Variants in PCDHGA2 observed in about 807,000 individuals in gnomAD.
PCDHGA2 encodes protocadherin gamma-A2.
PCDHGA2 carries 40 observed loss-of-function variants against 59.2 expected under a neutral mutation model. The observed-to-expected ratio is 0.68, with a 90% CI of 0.52 to 0.88. The LOEUF (loss-of-function observed/expected upper bound fraction) is 0.88. Ranked by LOEUF, PCDHGA2 falls within the 40% of genes least tolerant of loss-of-function variation. The pLI, the probability that PCDHGA2 is intolerant of heterozygous loss-of-function variation, is 0.00. For missense variants in PCDHGA2, 1,226 were observed against 1,204.0 expected (o/e 1.02, Z -0.27); for synonymous variants, 560 against 526.0 (o/e 1.06, Z -0.89).
rs946798767 is a variant in PCDHGA2, at chr5:141,438,591, CATATATATAT to C, written c.2425-56180_2425-56171del. On this transcript the variant is annotated intron_variant, in intron 1 of 3. Transcript: ENST00000394576. The stretch of plus-strand genomic sequence containing the variant: ...TCTGATATACATACATACATACATA[CATATATATAT>C]ATATATATATATATATATATATATA... Among the ~76,000 whole-genome samples, 12 of 75,572 alleles carry C rather than the reference CATATATATAT, an allele frequency of 1.6e-4. No individual in the cohort carries two copies. The East Asian group carries it at 1.7e-3, about 11-fold the overall frequency. The allele number at this position is 75,572 out of a possible 152,430, so 49.6% of individuals were successfully genotyped here.
chr5:141,485,172 CA>C lies in PCDHGA2; in HGVS notation c.2425-9633del. 6.2e-7 allele frequency: 1 copy of C among 1,610,166 alleles called. No individual in the cohort carries two copies. Among genetic ancestry groups the C allele is most frequent in the Non-Finnish European group, 8.5e-7 (1 of 1,176,940 alleles). On this transcript the variant is annotated intron_variant, in intron 1 of 3. Coordinates refer to ENST00000394576, the MANE Select transcript of PCDHGA2 (RefSeq NM_018915.4). The surrounding 1 kb of genome is among the most constrained non-coding windows in gnomAD (Gnocchi z 5.7). ...CAAGTAGAGAATTAGCGGGCGGCAG[CA>C]ATGCTCCGCAAGGTGAGAAGCTGGA...
chr5:141,352,184 G>A, intron 1 of PCDHGA2: 1 of 1,613,852 alleles, frequency 6.2e-7, no homozygotes, highest in Non-Finnish European at 8.5e-7. Flanking sequence ...GCTGGTCGCT[G>A]TGCGTGATGG....
At chr5:141,350,821 A>G in intron 1 of PCDHGA2, 2 of 1,614,054 alleles carry the variant, frequency 1.2e-6, no homozygotes, top group Non-Finnish European at 1.7e-6. Flanking sequence ...ATGGAAGTAA[A>G]TATCCGGTAT....
At chr5:141,399,751 G>T (rs564705346) in intron 1 of PCDHGA2, 2 of 1,613,322 alleles carry the variant, frequency 1.2e-6, no homozygotes, top group Non-Finnish European at 1.7e-6. Context: ...CAGCGCAAAC[G>T]TGAGCCTGCG....
chr5:141,421,050 T>TACCACACAA, intron 1 of PCDHGA2: 1 of 561,278 alleles, frequency 1.8e-6, no homozygotes, highest in Non-Finnish European at 3.1e-6. Flanking sequence ...CCCCCGCCTC[T>TACCACACAA]ACCACACAAA....
intron 1 of PCDHGA2, chr5:141,388,548 C>A: frequency 6.2e-7 from 1 of 1,613,842 alleles, no homozygotes; most frequent in Non-Finnish European, 8.5e-7. Flanking sequence ...AGCTCCACCC[C>A]TAAGCAGCAC....
In PCDHGA2 at chr5:141,477,491, C is replaced by T; in HGVS notation, c.2425-17316C>T. 1 of 1,614,154 alleles carries T rather than the reference C, an allele frequency of 6.2e-7. No homozygotes were observed. The highest frequency in any genetic ancestry group is 8.5e-7 in the Non-Finnish European group (1 of 1,180,022). On this transcript the variant is annotated intron_variant, in intron 1 of 3. Coordinates refer to ENST00000394576, the MANE Select transcript of PCDHGA2 (RefSeq NM_018915.4). The surrounding 1 kb of genome is among the most constrained non-coding windows in gnomAD (Gnocchi z 4.9). ...CAATGACAACCCTCCACAATCTTCT[C>T]AATCTTCCTACGACGTTTACATTGA...
intron 1 of PCDHGA2, among the ~76,000 whole-genome samples, chr5:141,347,870 G>A (rs1314209544): frequency 1.3e-5 from 2 of 152,048 alleles, no homozygotes; most frequent in Non-Finnish European, 2.9e-5. Flanking sequence ...GCTTATGTGT[G>A]TATTCATTTT....
intron 1 of PCDHGA2, among the ~76,000 whole-genome samples, chr5:141,407,497 G>GTTTTTTTTTTTTTT (rs1554102286): frequency 6.6e-6 from 1 of 152,090 alleles, no homozygotes; most frequent in African/African-American, 2.4e-5. Context: ...CTTTATTTCT[G>GTTTTTTTTTTTTTT]TTTTTCTTAG....
At chr5:141,400,261 C>G in intron 1 of PCDHGA2, 1 of 1,614,058 alleles carries the variant, frequency 6.2e-7, no homozygotes. Context: ...CTTGCGCCTG[C>G]GACGCTCCTC....
chr5:141,461,864 C>T (rs911351082), intron 1 of PCDHGA2, among the ~76,000 whole-genome samples: 5 of 151,900 alleles, frequency 3.3e-5, no homozygotes, highest in African/African-American at 9.7e-5. Context: ...GCTCTTGTTG[C>T]CCAGGCTGGA....
intron 1 of PCDHGA2, chr5:141,475,934 GC>G (rs879308605): frequency 6.0e-6 from 4 of 665,236 alleles, no homozygotes; most frequent in Non-Finnish European, 1.0e-5. Context: ...TCGGGCCCCT[GC>G]CCGTCCCCTT....
In PCDHGA2 at chr5:141,339,872, C is replaced by T; in HGVS notation, c.901C>T (p.Leu301=). Reference sequence around the variant, plus strand: ...TGAGCTTAAGTCAACATCTGGAGAACTGACAATCATAAAAGATCTAGATTA... The same window carrying T: ...TGAGCTTAAGTCAACATCTGGAGAATTGACAATCATAAAAGATCTAGATTA... The part of the protein sequence containing the change: ...VFELKSTSGE[L]TIIKDLDYED... Residue 301 remains leucine, a synonymous_variant, in exon 1 of 4, where the codon CTG becomes TTG. Transcript: ENST00000394576. 2 of 1,614,160 alleles carry T rather than the reference C, an allele frequency of 1.2e-6. No homozygotes were observed. Among genetic ancestry groups the T allele is most frequent in the Non-Finnish European group, 1.7e-6 (2 of 1,180,002 alleles).
rs560733170 is a variant in PCDHGA2, at chr5:141,503,895, A to G, written c.2484-1498A>G. ...TTGTGCTCACCCACCATGACAAAATATGCACACACACAACGCAACACACAC... is the reference window on the plus strand; with the variant it reads ...TTGTGCTCACCCACCATGACAAAATGTGCACACACACAACGCAACACACAC... On this transcript the variant is annotated intron_variant, in intron 2 of 3. Transcript: ENST00000394576. Among the ~76,000 whole-genome samples, 12 of 152,302 alleles carry G rather than the reference A, an allele frequency of 7.9e-5. No individual in the cohort carries two copies. The South Asian group carries it at 2.1e-3, about 26-fold the overall frequency.
chr5:141,343,903 C>T (rs1482315579), intron 1 of PCDHGA2: 2 of 839,676 alleles, frequency 2.4e-6, no homozygotes, highest in African/African-American at 1.7e-5. Flanking sequence ...GCCAACCTCA[C>T]CTCTTAGTCA....
intron 1 of PCDHGA2, chr5:141,387,838 A>G: frequency 6.3e-7 from 1 of 1,598,726 alleles, no homozygotes; most frequent in East Asian, 2.2e-5. Context: ...GGTTATTTGT[A>G]ACCCGGCGTC....
intron 1 of PCDHGA2, chr5:141,372,557 C>T (rs1157406998): frequency 5.0e-6 from 8 of 1,614,048 alleles, no homozygotes; most frequent in Admixed American, 3.3e-5. Context: ...CCTCCAGACC[C>T]GCCACTGAGG....
chr5:141,344,270 G>C, intron 1 of PCDHGA2: 2 of 1,614,078 alleles, frequency 1.2e-6, no homozygotes, highest in Non-Finnish European at 1.7e-6. Context: ...CTCTGAATCC[G>C]CAAAGCGGCA....
At chr5:141,388,340 T>C in intron 1 of PCDHGA2, 1 of 1,613,994 alleles carries the variant, frequency 6.2e-7, no homozygotes, top group South Asian at 1.1e-5. Context: ...GCACACGATT[T>C]ATATTAGGAT....
Sources: allele counts gnomAD v4.1 joint callset (sites outside exome capture counted in the v4.1 genomes callset), GRCh38; gene constraint gnomAD v4.1.1; non-coding constraint Gnocchi (gnomAD v3.1); transcripts MANE v1.5; gene names NCBI Gene and HGNC (gene_info 2026-07-23, HGNC 2026-07-21).